The following KCNH1 variants were observed in gnomAD, a reference collection of about 807,000 sequenced individuals.
KCNH1 encodes potassium voltage-gated channel subfamily H member 1, also known as voltage-gated delayed rectifier potassium channel KCNH1.
KCNH1 carries 27 observed loss-of-function variants against 69.2 expected under a neutral mutation model. That is an observed-to-expected ratio of 0.39 (90% CI 0.29 to 0.54). KCNH1 has a LOEUF of 0.54. Ranked by LOEUF, KCNH1 falls within the 20% of genes least tolerant of loss-of-function variation. KCNH1 has a pLI of 0.68. For missense variants in KCNH1, 798 were observed against 1,261.6 expected, an observed-to-expected ratio of 0.63 and a Z score of 5.57; for synonymous variants, 456 against 487.7, an observed-to-expected ratio of 0.93 and a Z score of 0.86.
At chr1:211,128,055 C>A (rs1330824025) in intron 1 of KCNH1, among the ~76,000 whole-genome samples, 1 of 152,028 alleles carries the variant, frequency 6.6e-6, no homozygotes, top group Non-Finnish European at 1.5e-5. Context: ...CTTTGGAAGG[C>A]CAAGGCGGGC....
intron 6 of KCNH1, among the ~76,000 whole-genome samples, chr1:210,955,442 G>A (rs1236419916): frequency 6.6e-6 from 1 of 152,212 alleles, no homozygotes; most frequent in African/African-American, 2.4e-5. Context: ...TGTGAAGAAA[G>A]TCATTGGTAG....
intron 1 of KCNH1, among the ~76,000 whole-genome samples, chr1:211,124,521 G>A (rs750928049): frequency 2.0e-5 from 3 of 152,178 alleles, no homozygotes; most frequent in Non-Finnish European, 4.4e-5. Context: ...GCGGGTGCCT[G>A]TAGTCCCAGC....
intron 1 of KCNH1, among the ~76,000 whole-genome samples, chr1:211,122,143 A>G (rs1366656458): frequency 6.6e-6 from 1 of 152,204 alleles, no homozygotes; most frequent in East Asian, 1.9e-4. Flanking sequence ...CTCAAAAAAA[A>G]AAACCATCGA....
chr1:210,940,410 T>G (rs1687856425), intron 6 of KCNH1, among the ~76,000 whole-genome samples: 1 of 152,224 alleles, frequency 6.6e-6, no homozygotes, highest in Non-Finnish European at 1.5e-5. Flanking sequence ...AAGATTTTCT[T>G]CTAGTTTATT....
chr1:210,682,370 T>G lies in KCNH1; in HGVS notation c.*911A>C, dbSNP rs1681289797. 2 of 152,258 alleles carry G rather than the reference T, an allele frequency of 1.3e-5. No individual in the cohort carries two copies. The highest frequency in any genetic ancestry group is 2.9e-5 in the Non-Finnish European group (2 of 68,090). 9.4% of individuals were successfully genotyped at this position (152,258 alleles called of 1,614,324 possible). A position where few individuals can be genotyped will look rare whatever the true frequency, so the allele number is the denominator to read the frequency against. On this transcript the variant is annotated 3_prime_UTR_variant, in exon 11 of 11. Transcript: ENST00000271751. The stretch of plus-strand genomic sequence containing the variant: ...GTCTGCTTTGTTAATAAAGCAACTC[T>G]GGGCTCATGACCCTTCCTGCCGATG...
At chr1:210,923,262 A>G (rs1247214915) in intron 6 of KCNH1, among the ~76,000 whole-genome samples, 1 of 152,176 alleles carries the variant, frequency 6.6e-6, no homozygotes, top group Non-Finnish European at 1.5e-5. Context: ...ACCTAGGCCA[A>G]TTCCTCTGAG....
chr1:210,883,266 G>C (rs1164991226), intron 7 of KCNH1, among the ~76,000 whole-genome samples: 1 of 152,188 alleles, frequency 6.6e-6, no homozygotes, highest in Non-Finnish European at 1.5e-5. Context: ...TGCCAACAGA[G>C]TTTTGCTTCT....
chr1:210,703,360 C>T (rs1290157847), intron 10 of KCNH1, among the ~76,000 whole-genome samples: 1 of 152,138 alleles, frequency 6.6e-6, no homozygotes, highest in Non-Finnish European at 1.5e-5. Context: ...TCAGATTGCT[C>T]AAAATCCAGA....
intron 1 of KCNH1, among the ~76,000 whole-genome samples, chr1:211,126,848 GT>G (rs1691786292): frequency 6.6e-6 from 1 of 152,100 alleles, no homozygotes; most frequent in Non-Finnish European, 1.5e-5. Flanking sequence ...GAGGAATGTG[GT>G]TTGTTTAAAG....
chr1:210,895,614 C>T (rs1286964643), intron 7 of KCNH1, among the ~76,000 whole-genome samples: 1 of 152,086 alleles, frequency 6.6e-6, no homozygotes, highest in Non-Finnish European at 1.5e-5. Flanking sequence ...CAATAGAAGG[C>T]CTCTCTGACC....
At chr1:211,064,377 G>C (rs879504613) in intron 5 of KCNH1, among the ~76,000 whole-genome samples, 10 of 152,222 alleles carry the variant, frequency 6.6e-5, no homozygotes, top group Non-Finnish European at 1.5e-4. Flanking sequence ...TGGCTAATAC[G>C]GTGAAACCCC....
At chr1:210,713,405 C>G (rs1332177277) in intron 10 of KCNH1, among the ~76,000 whole-genome samples, 1 of 152,160 alleles carries the variant, frequency 6.6e-6, no homozygotes, top group Admixed American at 6.6e-5. Flanking sequence ...TGCAGTTCTG[C>G]TCTGACTTTG....
intron 5 of KCNH1, among the ~76,000 whole-genome samples, chr1:211,081,077 C>T (rs1015736352): frequency 7.9e-5 from 12 of 152,012 alleles, no homozygotes; most frequent in Admixed American, 2.0e-4. Flanking sequence ...ATCTGACAAA[C>T]GGCTAATATC....
chr1:211,098,313 C>T (rs1691194966), intron 3 of KCNH1, among the ~76,000 whole-genome samples: 2 of 140,272 alleles, frequency 1.4e-5, no homozygotes. Flanking sequence ...ATAGCCAGAC[C>T]CTGTCTTGAA....
At chr1:210,992,051 C>A (rs912265267) in intron 6 of KCNH1, among the ~76,000 whole-genome samples, 63 of 152,186 alleles carry the variant, frequency 4.1e-4, no homozygotes, top group African/African-American at 1.5e-3. Context: ...AGTAATTGTT[C>A]TTTTGGATCA....
chr1:210,885,253 C>T lies in KCNH1; in HGVS notation c.1462+34387G>A, dbSNP rs549598071. ...CTGGTTAGACAGTGAGTGCAGCCCA[C>T]GGAGGGTGAGCAGAAGCAGGGTGGG... On this transcript the variant is annotated intron_variant, in intron 7 of 10. Transcript: ENST00000271751. Among the ~76,000 whole-genome samples, 19 of 152,270 alleles carry T rather than the reference C, an allele frequency of 1.2e-4. No homozygotes were observed. In the Middle Eastern group the frequency reaches 0.01, roughly 82 times the overall value.
chr1:210,885,388 G>T (rs547106409), intron 7 of KCNH1, among the ~76,000 whole-genome samples: 2 of 152,306 alleles, frequency 1.3e-5, no homozygotes, highest in South Asian at 4.1e-4. Context: ...AAAATACTAT[G>T]CTTTTCCCAC....
chr1:210,708,297 T>C (rs1681965494), intron 10 of KCNH1, among the ~76,000 whole-genome samples: 1 of 152,100 alleles, frequency 6.6e-6, no homozygotes, highest in Non-Finnish European at 1.5e-5. Flanking sequence ...GTGGAATCAA[T>C]CTTCAATGAT....
chr1:210,878,414 C>G (rs1574312964), intron 7 of KCNH1, among the ~76,000 whole-genome samples: 1 of 152,074 alleles, frequency 6.6e-6, no homozygotes, highest in East Asian at 1.9e-4. Context: ...AACATCTTAA[C>G]AAGTTTAAAA....
Sources: allele counts gnomAD v4.1 joint callset (sites outside exome capture counted in the v4.1 genomes callset), GRCh38; gene constraint gnomAD v4.1.1; transcripts MANE v1.5; gene names NCBI Gene and HGNC (gene_info 2026-07-23, HGNC 2026-07-21).